CDH3: variants seen among roughly 807,000 people sequenced by gnomAD.
The protein encoded by CDH3 is cadherin 3, also known as cadherin-3.
In CDH3, 54 loss-of-function variants were observed where a neutral mutation model predicts 82.0. The observed-to-expected ratio is 0.66, with a 90% confidence interval of 0.53 to 0.83. The LOEUF is 0.83. Ranked by LOEUF, CDH3 falls within the 40% of genes least tolerant of loss-of-function variation. CDH3 has a pLI of 0.00. For missense variants in CDH3, 1,054 were observed against 1,084.6 expected (o/e 0.97, Z 0.40); for synonymous variants, 446 against 437.9 (o/e 1.02, Z -0.23).
chr16:68,673,353 C>T (rs1292750726), intron 2 of CDH3, among the ~76,000 whole-genome samples: 1 of 152,176 alleles, frequency 6.6e-6, no homozygotes. Context: ...ACAGTTTGTG[C>T]AACATCGCCA....
intron 14 of CDH3, 53 bp from the exon 15 acceptor site, chr16:68,695,724 G>T: frequency 6.2e-7 from 1 of 1,600,982 alleles, no homozygotes. Context: ...TAAGTGGCAG[G>T]GGAGTGGGGG....
intron 12 of CDH3, 67 bp from the exon 13 acceptor site, chr16:68,691,653 C>T (rs985265928): frequency 1.6e-6 from 2 of 1,262,646 alleles, no homozygotes; most frequent in African/African-American, 1.5e-5. Flanking sequence ...CTCAAACTTT[C>T]TTCATGGTGT....
intron 13 of CDH3, among the ~76,000 whole-genome samples, chr16:68,693,277 C>T (rs1003971829): frequency 2.6e-5 from 4 of 151,988 alleles, no homozygotes; most frequent in Admixed American, 2.0e-4. Context: ...TGCAAGATTC[C>T]TGCTGAGCAG....
intron 2 of CDH3, among the ~76,000 whole-genome samples, chr16:68,661,105 A>G (rs960976437): frequency 6.6e-6 from 1 of 152,236 alleles, no homozygotes; most frequent in African/African-American, 2.4e-5. Flanking sequence ...ACTACTCTCC[A>G]GCTTTGAAAT....
intron 1 of CDH3, 45 bp downstream of exon 1, chr16:68,645,469 G>A (rs559868914): frequency 1.3e-6 from 2 of 1,599,792 alleles, no homozygotes; most frequent in South Asian, 1.1e-5. Context: ...CCGCTCCCTG[G>A]GGGGCGGGCG....
Position 68,685,479 on chromosome 16 carries a change from C to A in CDH3, c.1570+129C>A, listed in dbSNP as rs903907658. 40 of 952,474 alleles carry A rather than the reference C, an allele frequency of 4.2e-5. No individual in the cohort carries two copies. In the East Asian group the frequency reaches 9.6e-4, roughly 23 times the overall value. 59.0% of individuals were successfully genotyped at this position (952,474 alleles called of 1,614,324 possible). ...AGGGCTATTTGCAAACCAATCCAGACGGTCAAAGGGGTCTTTCAGAGGAGT... is the reference window on the plus strand; with the variant it reads ...AGGGCTATTTGCAAACCAATCCAGAAGGTCAAAGGGGTCTTTCAGAGGAGT... On this transcript the variant is annotated intron_variant, in intron 11 of 15. Transcript: ENST00000264012.
At chr16:68,708,221 C>T (rs535033509) in intron 1 of CDH3, among the ~76,000 whole-genome samples, 4 of 151,826 alleles carry the variant, frequency 2.6e-5, no homozygotes, top group South Asian at 2.1e-4. Context: ...CTAGCTACTC[C>T]GGAGGCTGAA....
intron 1 of CDH3, among the ~76,000 whole-genome samples, chr16:68,717,639 G>A (rs953859967): frequency 6.6e-6 from 1 of 152,100 alleles, no homozygotes. Flanking sequence ...CGGGCGTGGT[G>A]GCAGGCACCT....
chr16:68,672,986 C>A (rs1389374499), intron 2 of CDH3, among the ~76,000 whole-genome samples: 1 of 152,210 alleles, frequency 6.6e-6, no homozygotes, highest in Non-Finnish European at 1.5e-5. Flanking sequence ...GTTAAATTTC[C>A]CATGTAGTTG....
chr16:68,691,758 CAGG>C lies in CDH3; in HGVS notation c.1836_1838del (p.Gln612_Asp613delinsHis). 1 of 1,614,166 alleles carries C rather than the reference CAGG, an allele frequency of 6.2e-7. No individual in the cohort carries two copies. The highest frequency in any genetic ancestry group is 8.5e-7 in the Non-Finnish European group (1 of 1,180,020). ...CTTGTCCCTGAAGAAGTTCCTGAAG[CAGG>C]ATACATATGACGTGCACCTTTCTCT... On this transcript the variant is annotated inframe_deletion, in exon 13 of 16. Transcript: ENST00000264012.
At chr16:68,705,321 C>A (rs1961946553) in intron 1 of CDH3, among the ~76,000 whole-genome samples, 1 of 152,180 alleles carries the variant, frequency 6.6e-6, no homozygotes, top group African/African-American at 2.4e-5. Flanking sequence ...AAAGCCACAG[C>A]ATTCCCAGCC....
chr16:68,658,911 C>A (rs988408495), intron 2 of CDH3, among the ~76,000 whole-genome samples: 1 of 152,074 alleles, frequency 6.6e-6, no homozygotes, highest in African/African-American at 2.4e-5. Flanking sequence ...GTCTCCTCCC[C>A]AATGTATACC....
At position 68,720,679 on chromosome 16, in the gene CDH3, G is replaced by A. The variant is rs773876439; in HGVS notation, c.100-1746G>A. ...TGCCCAGGCCGGAATGCAGTGGCAC[G>A]ATCTCAGTTCACTGCAACATCTGCC... is the stretch of plus-strand genomic sequence containing the variant. On this transcript the variant is annotated intron_variant, in intron 1 of 2. Coordinates refer to the CDH3 transcript ENST00000569080. 8.0e-5 allele frequency among the ~76,000 whole-genome samples: 12 copies of A among 150,244 alleles called. No individual in the cohort carries two copies. In the East Asian group the frequency reaches 2.3e-3, roughly 29 times the overall value.
At chr16:68,669,057 A>G (rs1960817419) in intron 2 of CDH3, among the ~76,000 whole-genome samples, 1 of 152,192 alleles carries the variant, frequency 6.6e-6, no homozygotes, top group South Asian at 2.1e-4. Context: ...TTGGAATCCA[A>G]GTCTTCTGGA....
chr16:68,727,395 T>G (rs1257569615), exon 3 of CDH3, among the ~76,000 whole-genome samples: 1 of 152,206 alleles, frequency 6.6e-6, no homozygotes, highest in Non-Finnish European at 1.5e-5. Context: ...CTCATCTCTC[T>G]CTGTATATAT....
rs146101205 is a variant in CDH3, at chr16:68,713,919, T to TTTATTATTATTATTA, written c.100-8491_100-8477dup. The stretch of plus-strand genomic sequence containing the variant: ...CCAAATCTGATCAATTTTTATTCTA[T>TTTATTATTATTATTA]TTATTATTATTATTATTATTATTAT... On this transcript the variant is annotated intron_variant, in intron 1 of 2. Transcript: ENST00000569080. Among the ~76,000 whole-genome samples the TTTATTATTATTATTA allele has an allele frequency of 2.4e-3, 358 of 147,578 alleles. 2 individuals carry two copies. Among genetic ancestry groups the TTTATTATTATTATTA allele is most frequent in the African/African-American group, 8.4e-3 (340 of 40,274 alleles).
intron 12 of CDH3, 138 bp downstream of exon 12, chr16:68,687,874 C>G (rs1007018023): frequency 1.7e-5 from 12 of 691,450 alleles, no homozygotes; most frequent in African/African-American, 3.5e-5. Flanking sequence ...GAACCTCAAT[C>G]AGATGCTATT....
intron 1 of CDH3, among the ~76,000 whole-genome samples, chr16:68,713,555 G>A (rs1962057928): frequency 6.6e-6 from 1 of 151,976 alleles, no homozygotes; most frequent in Non-Finnish European, 1.5e-5. Context: ...CCTCCCAGCT[G>A]TGCTCCCTGC....
chr16:68,730,606 G>C (rs774324829), downstream of CDH3, among the ~76,000 whole-genome samples: 9 of 152,204 alleles, frequency 5.9e-5, no homozygotes, highest in Non-Finnish European at 1.2e-4. Context: ...TGATATTGAG[G>C]AACTACTGTG....
Sources: allele counts gnomAD v4.1 joint callset (sites outside exome capture counted in the v4.1 genomes callset), GRCh38; gene constraint gnomAD v4.1.1; transcripts MANE v1.5; gene names NCBI Gene and HGNC (gene_info 2026-07-23, HGNC 2026-07-21).